Variants in TRAF3 observed in about 807,000 individuals in gnomAD.
The protein encoded by TRAF3 is TNF receptor associated factor 3.
Under a neutral mutation model 62.3 loss-of-function variants are expected in TRAF3, and 13 were observed. The ratio of observed to expected loss-of-function variants is 0.21; its 90% CI spans 0.14 to 0.33. The LOEUF (loss-of-function observed/expected upper bound fraction) is 0.33. Among genes scored for constraint, TRAF3 ranks in the 10% least tolerant of loss-of-function variants. The probability of loss-of-function intolerance (pLI) is 1.00; values close to 1 mark genes in which losing one functional copy is unlikely to be tolerated. For missense variants in TRAF3, 440 were observed against 741.8 expected (o/e 0.59, Z 4.73); for synonymous variants, 269 against 283.4 (o/e 0.95, Z 0.51).
intron 1 of TRAF3, among the ~76,000 whole-genome samples, chr14:102,798,742 C>A (rs754155460): frequency 6.6e-6 from 1 of 152,120 alleles, no homozygotes; most frequent in Non-Finnish European, 1.5e-5. Context: ...CCCAAATGGC[C>A]GGGATTATAG....
At chr14:102,898,798 A>C (rs1403412346) in intron 10 of TRAF3, among the ~76,000 whole-genome samples, 1 of 152,234 alleles carries the variant, frequency 6.6e-6, no homozygotes, top group African/African-American at 2.4e-5. Context: ...AGTCGAGTTT[A>C]ATCACTCTAT....
chr14:102,819,604 A>G (rs2030769029), intron 1 of TRAF3, among the ~76,000 whole-genome samples: 1 of 152,192 alleles, frequency 6.6e-6, no homozygotes, highest in Non-Finnish European at 1.5e-5. Context: ...AGGTGTTACC[A>G]TCTCTGGCCA....
chr14:102,788,339 C>G (rs547231929), intron 1 of TRAF3, among the ~76,000 whole-genome samples: 1 of 152,264 alleles, frequency 6.6e-6, no homozygotes, highest in East Asian at 1.9e-4. Context: ...AGTGTATTCA[C>G]AATGTTCTGC....
intron 1 of TRAF3, among the ~76,000 whole-genome samples, chr14:102,802,065 C>T (rs1898463518): frequency 1.3e-5 from 2 of 149,330 alleles, no homozygotes; most frequent in African/African-American, 2.5e-5. Context: ...CACTATGTTG[C>T]CCATTCTGGT....
At chr14:102,874,645 T>C (rs889149135) in intron 4 of TRAF3, among the ~76,000 whole-genome samples, 2 of 132,568 alleles carry the variant, frequency 1.5e-5, no homozygotes, top group Non-Finnish European at 3.0e-5. Flanking sequence ...AGGTTTTTTC[T>C]TCTTCTTTTT....
At chr14:102,819,406 A>G (rs1007170694) in intron 1 of TRAF3, among the ~76,000 whole-genome samples, 1 of 152,138 alleles carries the variant, frequency 6.6e-6, no homozygotes, top group Non-Finnish European at 1.5e-5. Context: ...CTTCCCCTCC[A>G]TGAGGGCAGG....
chr14:102,843,740 T>A (rs1886522291), intron 2 of TRAF3, among the ~76,000 whole-genome samples: 1 of 152,050 alleles, frequency 6.6e-6, no homozygotes, highest in Non-Finnish European at 1.5e-5. Context: ...CTTGGGAGTT[T>A]GAGGCTACAG....
chr14:102,830,238 A>G (rs972399524), intron 1 of TRAF3, 96 bp from the exon 2 acceptor site: 4 of 152,286 alleles, frequency 2.6e-5, no homozygotes, highest in African/African-American at 9.6e-5. Context: ...GCTTGAGGAT[A>G]GACTGGCCTT....
At chr14:102,821,861 G>A (rs888593892) in intron 1 of TRAF3, among the ~76,000 whole-genome samples, 2 of 152,144 alleles carry the variant, frequency 1.3e-5, no homozygotes, top group South Asian at 4.1e-4. Flanking sequence ...GGCCAATATG[G>A]TGAAACCCAG....
chr14:102,832,918 A>G (rs1278904701), intron 2 of TRAF3, among the ~76,000 whole-genome samples: 3 of 152,138 alleles, frequency 2.0e-5, no homozygotes, highest in African/African-American at 4.8e-5. Flanking sequence ...GCATTTACCT[A>G]TGTTTATAAT....
At chr14:102,838,006 CAAGTCAGTG>C (rs1309218051) in intron 2 of TRAF3, among the ~76,000 whole-genome samples, 2 of 152,152 alleles carry the variant, frequency 1.3e-5, no homozygotes, top group Non-Finnish European at 2.9e-5. Flanking sequence ...TCTTACGGCA[CAAGTCAGTG>C]AGCCTGTCTT....
chr14:102,892,295 T>A (rs1889767285), intron 9 of TRAF3, among the ~76,000 whole-genome samples: 1 of 152,162 alleles, frequency 6.6e-6, no homozygotes. Flanking sequence ...CGACCTCAGG[T>A]GATCTGCCCA....
intron 2 of TRAF3, among the ~76,000 whole-genome samples, chr14:102,833,798 G>T (rs1213599755): frequency 1.3e-5 from 2 of 151,880 alleles, no homozygotes; most frequent in Non-Finnish European, 1.5e-5. Flanking sequence ...TTCGAGACCA[G>T]CCTGGCCAAC....
At chr14:102,837,267 T>C (rs1886083467) in intron 2 of TRAF3, among the ~76,000 whole-genome samples, 1 of 151,620 alleles carries the variant, frequency 6.6e-6, no homozygotes, top group Non-Finnish European at 1.5e-5. Flanking sequence ...GCCTCCCGAG[T>C]AGCTGGGACC....
chr14:102,876,812 T>G (rs1888690336), intron 6 of TRAF3: 1 of 429,598 alleles, frequency 2.3e-6, no homozygotes, highest in Non-Finnish European at 4.3e-6. Flanking sequence ...TTCCGCTCAA[T>G]TCGTAGATAA....
intron 1 of TRAF3, among the ~76,000 whole-genome samples, chr14:102,796,682 C>T (rs556986438): frequency 1.2e-4 from 19 of 152,318 alleles, no homozygotes; most frequent in African/African-American, 4.1e-4. Flanking sequence ...GTCGATGCCC[C>T]GGAATGACTG....
At chr14:102,789,855 T>C (rs540044797) in intron 1 of TRAF3, among the ~76,000 whole-genome samples, 27 of 152,160 alleles carry the variant, frequency 1.8e-4, no homozygotes, top group African/African-American at 6.0e-4. Flanking sequence ...AGTCTCCTTC[T>C]GTTGCCCAGG....
chr14:102,881,420 G>A (rs1419240123), intron 6 of TRAF3, among the ~76,000 whole-genome samples: 6 of 151,474 alleles, frequency 4.0e-5, no homozygotes, highest in Non-Finnish European at 8.8e-5. Flanking sequence ...AGAAAAAAAG[G>A]AAGGAGATCA....
At chr14:102,883,771 C>T (rs762359255) in intron 6 of TRAF3, among the ~76,000 whole-genome samples, 37 of 151,982 alleles carry the variant, frequency 2.4e-4, no homozygotes, top group Non-Finnish European at 4.3e-4. Context: ...TTTTCAGTAG[C>T]GACGGGGTTT....
Sources: gnomAD v4.1 joint callset for allele counts (sites outside exome capture counted in the v4.1 genomes callset) on GRCh38, gnomAD v4.1.1 for gene constraint, MANE v1.5 for transcripts, NCBI Gene and HGNC (gene_info 2026-07-23, HGNC 2026-07-21) for gene names.